IBTK: variants seen among roughly 807,000 people sequenced by gnomAD.
The protein encoded by IBTK is inhibitor of Bruton tyrosine kinase.
In IBTK, 83 loss-of-function variants were observed where a neutral mutation model predicts 154.9. The ratio of observed to expected loss-of-function variants is 0.54; its 90% CI spans 0.45 to 0.64. The LOEUF (loss-of-function observed/expected upper bound fraction) is 0.64, where lower values mean the gene tolerates loss of function less well. Among genes scored for constraint, IBTK ranks in the 30% least tolerant of loss-of-function variants. The probability of loss-of-function intolerance (pLI) is 0.00; values close to 1 mark genes in which losing one functional copy is unlikely to be tolerated. For synonymous variants in IBTK, 515 were observed against 536.1 expected (o/e 0.96, Z 0.54); for missense variants, 1,332 against 1,584.6 (o/e 0.84, Z 2.71).
At chr6:82,171,632 T>A in intron 28 of IBTK, 76 bp from the exon 29 acceptor site, 2 of 1,298,740 alleles carry the variant, frequency 1.5e-6, no homozygotes, top group Non-Finnish European at 2.2e-6. Context: ...CCTTCCAATT[T>A]CCTTTTGAGG....
At chr6:82,200,793 G>A in intron 19 of IBTK, 85 bp from the exon 20 acceptor site, 2 of 1,345,356 alleles carry the variant, frequency 1.5e-6, no homozygotes, top group Non-Finnish European at 1.9e-6. Flanking sequence ...TGCACACGTG[G>A]CTCTTGCCAT....
At chr6:82,174,231 T>C (rs1352891490) in intron 26 of IBTK, among the ~76,000 whole-genome samples, 1 of 152,160 alleles carries the variant, frequency 6.6e-6, no homozygotes, top group Non-Finnish European at 1.5e-5. Flanking sequence ...GATTCATTTA[T>C]ACACATTTAT....
chr6:82,243,882 T>A (rs958964134), intron 1 of IBTK, among the ~76,000 whole-genome samples: 1 of 152,082 alleles, frequency 6.6e-6, no homozygotes, highest in Non-Finnish European at 1.5e-5. Context: ...GTATATATAA[T>A]GTAAACATTT....
intron 25 of IBTK, among the ~76,000 whole-genome samples, chr6:82,182,972 G>A (rs1768373677): frequency 6.6e-6 from 1 of 152,296 alleles, no homozygotes; most frequent in Non-Finnish European, 1.5e-5. Context: ...AAGATCCTGA[G>A]TCAGAGGCAT....
At chr6:82,192,385 C>T (rs927556320) in intron 23 of IBTK, among the ~76,000 whole-genome samples, 1 of 152,038 alleles carries the variant, frequency 6.6e-6, no homozygotes, top group Non-Finnish European at 1.5e-5. Context: ...CTTGGGGATA[C>T]TAAATAATAT....
At chr6:82,207,865 G>C (rs904576966) in intron 16 of IBTK, among the ~76,000 whole-genome samples, 1 of 152,022 alleles carries the variant, frequency 6.6e-6, no homozygotes, top group African/African-American at 2.4e-5. Context: ...TCAAAAAATA[G>C]GACATACAGA....
At chr6:82,201,205 A>T (rs1461489665) in intron 19 of IBTK, among the ~76,000 whole-genome samples, 2 of 152,114 alleles carry the variant, frequency 1.3e-5, no homozygotes, top group African/African-American at 4.8e-5. Context: ...TTTCATTTAT[A>T]AAGAAATTAA....
At chr6:82,239,250 G>C (rs1770850410) in intron 2 of IBTK, among the ~76,000 whole-genome samples, 1 of 151,624 alleles carries the variant, frequency 6.6e-6, no homozygotes, top group Admixed American at 6.6e-5. Context: ...GACCATCCTG[G>C]CTAACACGGT....
At chr6:82,186,917 T>TC (rs1176928080) in intron 25 of IBTK, among the ~76,000 whole-genome samples, 1 of 148,280 alleles carries the variant, frequency 6.7e-6, no homozygotes, top group Non-Finnish European at 1.5e-5. Context: ...CAAATTCTTT[T>TC]TTTTTTTTTT....
At chr6:82,241,941 C>A (rs958095773) in intron 1 of IBTK, among the ~76,000 whole-genome samples, 2 of 152,234 alleles carry the variant, frequency 1.3e-5, no homozygotes, top group Admixed American at 1.3e-4. Flanking sequence ...CTTCATACCA[C>A]ACCAAAGAGT....
intron 3 of IBTK, among the ~76,000 whole-genome samples, chr6:82,233,177 A>T (rs1427208492): frequency 7.0e-6 from 1 of 142,170 alleles, no homozygotes; most frequent in Non-Finnish European, 1.5e-5. Flanking sequence ...AAAAAAAAAA[A>T]TTAATTGGGC....
intron 1 of IBTK, among the ~76,000 whole-genome samples, chr6:82,243,133 T>C (rs1478191011): frequency 6.7e-6 from 1 of 150,104 alleles, no homozygotes; most frequent in Non-Finnish European, 1.5e-5. Flanking sequence ...CCCAGCTACT[T>C]GGGAGGCTGA....
At chr6:82,202,695 C>G in intron 17 of IBTK, 50 bp from the exon 18 acceptor site, 1 of 927,058 alleles carries the variant, frequency 1.1e-6, no homozygotes, top group Admixed American at 2.4e-5. Flanking sequence ...CACATTACCA[C>G]AGCAAAATAA....
intron 21 of IBTK, among the ~76,000 whole-genome samples, chr6:82,196,810 C>T (rs1442595132): frequency 6.6e-6 from 1 of 152,146 alleles, no homozygotes; most frequent in African/African-American, 2.4e-5. Context: ...ACCTCTTTTC[C>T]CTTTCTCATC....
intron 13 of IBTK, 102 bp from the exon 14 acceptor site, chr6:82,211,674 C>A (rs1769649501): frequency 1.2e-6 from 1 of 847,130 alleles, no homozygotes; most frequent in Non-Finnish European, 1.9e-6. Flanking sequence ...TTAAAGGTGG[C>A]AGAGAATAAA....
At chr6:82,229,483 A>G (rs1468840381) in intron 4 of IBTK, among the ~76,000 whole-genome samples, 2 of 152,164 alleles carry the variant, frequency 1.3e-5, no homozygotes, top group East Asian at 1.9e-4. Context: ...AAAAGGAAAA[A>G]CAGGTGTCTT....
intron 2 of IBTK, 107 bp downstream of exon 2, chr6:82,240,059 C>A: frequency 1.2e-6 from 1 of 866,486 alleles, no homozygotes; most frequent in South Asian, 1.8e-5. Flanking sequence ...AGCAAACAAG[C>A]AAGAAAAAAT....
At chr6:82,182,321 G>A (rs1450393763) in intron 25 of IBTK, among the ~76,000 whole-genome samples, 2 of 151,762 alleles carry the variant, frequency 1.3e-5, no homozygotes, top group Non-Finnish European at 2.9e-5. Flanking sequence ...ATTAAAAATA[G>A]GTAAGTTCGG....
chr6:82,187,009 A>G (rs1369173807), intron 25 of IBTK, among the ~76,000 whole-genome samples: 4 of 143,026 alleles, frequency 2.8e-5, no homozygotes, highest in East Asian at 2.0e-4. Context: ...TCTGCCTCCC[A>G]GGTTCAAGTG....
Sources: allele counts gnomAD v4.1 joint callset (sites outside exome capture counted in the v4.1 genomes callset), GRCh38; gene constraint gnomAD v4.1.1; transcripts MANE v1.5; gene names NCBI Gene and HGNC (gene_info 2026-07-23, HGNC 2026-07-21).